APCDD1L: variants seen among roughly 807,000 people sequenced by gnomAD.
APCDD1L encodes protein APCDD1-like.
APCDD1L carries 21 observed loss-of-function variants against 24.2 expected under a neutral mutation model. The ratio of observed to expected loss-of-function variants is 0.87; its 90% CI spans 0.61 to 1.25. The LOEUF is 1.25. APCDD1L is among the 50% of genes most tolerant of loss of function. APCDD1L has a pLI of 0.00. For synonymous variants in APCDD1L, 321 were observed against 323.6 expected (o/e 0.99, Z 0.09); for missense variants, 704 against 711.7 (o/e 0.99, Z 0.12).
chr20:58,487,223 T>C (rs761435475), intron 1 of APCDD1L, among the ~76,000 whole-genome samples: 6 of 152,258 alleles, frequency 3.9e-5, no homozygotes, highest in Non-Finnish European at 7.4e-5. Context: ...AACAGAAGTA[T>C]GTAATTTGGA....
In APCDD1L at chr20:58,461,529, C is replaced by T. The variant is rs999231597; in HGVS notation, c.767G>A (p.Cys256Tyr). The T allele has an allele frequency of 1.4e-6, 2 of 1,440,726 alleles. No individual in the cohort carries two copies. The highest frequency in any genetic ancestry group is 5.0e-5 in the East Asian group (2 of 40,048). 89.2% of individuals were successfully genotyped at this position (1,440,726 alleles called of 1,614,324 possible). A position where few individuals can be genotyped will look rare whatever the true frequency, so the allele number is the denominator to read the frequency against. ...ALHHVQPCPA[C>Y]GLIARSDVHH... ...CACATCGGAGCGGGCAATGAGGCCA[C>T]AGGCTGGGCACGGCTGCACGTGGTG... Residue 256 changes from cysteine to tyrosine, a missense_variant, in exon 4 of 4, where the codon TGT becomes TAT. By Grantham distance (194) the Cys-to-Tyr change is radical. Coordinates refer to ENST00000371149, the MANE Select transcript of APCDD1L (RefSeq NM_153360.3). This position sits in a 1 kb window ranked among gnomAD's most constrained non-coding sequence, Gnocchi z 6.0.
At chr20:58,512,494 G>A (rs137907560) in intron 1 of APCDD1L, among the ~76,000 whole-genome samples, 3 of 152,194 alleles carry the variant, frequency 2.0e-5, no homozygotes, top group East Asian at 3.9e-4. Context: ...TGCACAGGAC[G>A]GGCCCCTCAT....
intron 1 of APCDD1L, among the ~76,000 whole-genome samples, chr20:58,488,885 A>G (rs1990171288): frequency 6.6e-6 from 1 of 152,208 alleles, no homozygotes; most frequent in South Asian, 2.1e-4. Context: ...TAGAAAACAA[A>G]GCTAGAAGAG....
chr20:58,498,357 A>G (rs1990364822), intron 1 of APCDD1L, among the ~76,000 whole-genome samples: 1 of 152,236 alleles, frequency 6.6e-6, no homozygotes, highest in Non-Finnish European at 1.5e-5. Context: ...TTCAGCCTCC[A>G]AAATGAACCC....
At position 58,514,965 on chromosome 20, in the gene APCDD1L, C is replaced by G. The variant is rs904086136; in HGVS notation, c.-258G>C. 11 of 349,412 alleles carry G rather than the reference C, an allele frequency of 3.1e-5. No homozygotes were observed. The highest frequency in any genetic ancestry group is 2.3e-4 in the African/African-American group (11 of 47,158). 21.6% of individuals were successfully genotyped at this position (349,412 alleles called of 1,614,324 possible). On this transcript the variant is annotated 5_prime_UTR_variant, in exon 1 of 4. Coordinates refer to ENST00000371149, the MANE Select transcript of APCDD1L (RefSeq NM_153360.3). ...GACAGCCCCCGGCGAGGCGCGCACA[C>G]CCGCGCAGCGCGCACAGCCCCCTGG...
At chr20:58,465,105 T>G (rs1014523935) in intron 3 of APCDD1L, among the ~76,000 whole-genome samples, 1 of 152,208 alleles carries the variant, frequency 6.6e-6, no homozygotes, top group Non-Finnish European at 1.5e-5. Flanking sequence ...CTGTCCTCTC[T>G]GCATTCAGAG....
At chr20:58,503,141 G>A (rs1407799796) in intron 1 of APCDD1L, among the ~76,000 whole-genome samples, 1 of 152,170 alleles carries the variant, frequency 6.6e-6, no homozygotes, top group African/African-American at 2.4e-5. Flanking sequence ...AATGCAGCTA[G>A]CCACGCAATC....
intron 1 of APCDD1L, among the ~76,000 whole-genome samples, chr20:58,489,872 A>G (rs1990192440): frequency 1.3e-5 from 2 of 152,178 alleles, no homozygotes; most frequent in African/African-American, 4.8e-5. Context: ...GGAAATTCAT[A>G]CAAAAATTCA....
chr20:58,481,163 C>T (rs1008552514), intron 1 of APCDD1L, among the ~76,000 whole-genome samples: 5 of 152,188 alleles, frequency 3.3e-5, no homozygotes, highest in Non-Finnish European at 5.9e-5. Context: ...CACTGAATGT[C>T]CTGTTGCCTG....
At chr20:58,505,080 A>AATTTTCT (rs1990507982) in intron 1 of APCDD1L, among the ~76,000 whole-genome samples, 2 of 152,230 alleles carry the variant, frequency 1.3e-5, no homozygotes, top group South Asian at 4.1e-4. Context: ...ACAAAGAAAG[A>AATTTTCT]ATTTTCTCAT....
At chr20:58,485,796 A>G (rs1990108978) in intron 1 of APCDD1L, among the ~76,000 whole-genome samples, 1 of 152,220 alleles carries the variant, frequency 6.6e-6, no homozygotes, top group African/African-American at 2.4e-5. Flanking sequence ...GGTATAAATT[A>G]TACTTTTTCA....
chr20:58,498,383 A>G lies in APCDD1L; in HGVS notation c.49+16276T>C, dbSNP rs537573241. Among the ~76,000 whole-genome samples, 3 of 152,320 alleles carry G rather than the reference A, an allele frequency of 2.0e-5. No homozygotes were observed. In the East Asian group the frequency reaches 5.8e-4, roughly 29 times the overall value. ...AAATGAACCCCTTCGGTAATTGAGA[A>G]CCTATTAAAGGAGCTTAAATGCAGT... On this transcript the variant is annotated intron_variant, in intron 1 of 3. Transcript: ENST00000371149.
chr20:58,509,961 C>T (rs1243291210), intron 1 of APCDD1L, among the ~76,000 whole-genome samples: 1 of 152,202 alleles, frequency 6.6e-6, no homozygotes, highest in African/African-American at 2.4e-5. Context: ...TGTCCACTCT[C>T]CACCCCTTGG....
rs1358580087 is a variant in APCDD1L at position 58,497,898 on chromosome 20, C to G, written c.49+16761G>C. Among the ~76,000 whole-genome samples the G allele has an allele frequency of 6.6e-6, 1 of 152,272 alleles. No individual in the cohort carries two copies. Among genetic ancestry groups the G allele is most frequent in the East Asian group, 1.9e-4 (1 of 5,184 alleles). ...AGAAGCAGAATTCCCTGTACACACA[C>G]CTCAATCATTTCTCTCCCTTCTCGG... is the stretch of plus-strand genomic sequence containing the variant. On this transcript the variant is annotated intron_variant, in intron 1 of 3. Transcript: ENST00000371149. This position sits in a 1 kb window ranked among gnomAD's most constrained non-coding sequence, Gnocchi z 4.3.
At chr20:58,487,971 C>CGT (rs374012945) in intron 1 of APCDD1L, among the ~76,000 whole-genome samples, 34 of 151,542 alleles carry the variant, frequency 2.2e-4, no homozygotes, top group Admixed American at 1.9e-3. Flanking sequence ...TGTGTGCATC[C>CGT]GTGTGTGTGT....
chr20:58,481,773 C>G (rs897694314), intron 1 of APCDD1L, among the ~76,000 whole-genome samples: 1 of 152,204 alleles, frequency 6.6e-6, no homozygotes, highest in Non-Finnish European at 1.5e-5. Flanking sequence ...CCCAGCCTCC[C>G]TCGTTCCACC....
chr20:58,489,210 C>CAACA (rs897876564), intron 1 of APCDD1L, among the ~76,000 whole-genome samples: 1 of 151,454 alleles, frequency 6.6e-6, no homozygotes, highest in Non-Finnish European at 1.5e-5. Context: ...CAACACCAAA[C>CAACA]AACAAACAAA....
At chr20:58,472,104 C>T (rs6015285) in intron 1 of APCDD1L, among the ~76,000 whole-genome samples, 56,911 of 151,976 alleles carry the variant, frequency 0.37, 10,917 homozygotes, top group South Asian at 0.42. Context: ...CTCTCTGTGC[C>T]CCAGGGGTAT....
intron 3 of APCDD1L, among the ~76,000 whole-genome samples, 155 bp downstream of exon 3, chr20:58,466,951 A>C (rs1415674616): frequency 6.6e-6 from 1 of 152,176 alleles, no homozygotes. Flanking sequence ...AAATGTCCTG[A>C]GGCACGCGGA....
Sources: gnomAD v4.1 joint callset for allele counts (sites outside exome capture counted in the v4.1 genomes callset) on GRCh38, gnomAD v4.1.1 for gene constraint, Gnocchi (gnomAD v3.1) non-coding constraint, MANE v1.5 for transcripts, NCBI Gene and HGNC (gene_info 2026-07-23, HGNC 2026-07-21) for gene names.